Variants in WDR7 observed in about 807,000 individuals in gnomAD.
WDR7 encodes the protein WD repeat domain 7, also known as WD repeat-containing protein 7.
Under a neutral mutation model 169.4 loss-of-function variants are expected in WDR7, and 46 were observed. The observed-to-expected ratio is 0.27, with a 90% confidence interval of 0.21 to 0.35. The LOEUF (loss-of-function observed/expected upper bound fraction) is 0.35, where lower values mean the gene tolerates loss of function less well. WDR7 is among the 10% of genes least tolerant of loss of function. The pLI, the probability that WDR7 is intolerant of heterozygous loss-of-function variation, is 1.00. For missense variants in WDR7, 1,534 were observed against 1,859.3 expected, an observed-to-expected ratio of 0.83 and a Z score of 3.22; for synonymous variants, 612 against 666.8, an observed-to-expected ratio of 0.92 and a Z score of 1.27.
chr18:56,720,039 T>A (rs550481956), intron 13 of WDR7, among the ~76,000 whole-genome samples: 49 of 152,348 alleles, frequency 3.2e-4, no homozygotes, highest in African/African-American at 1.2e-3. Context: ...CTTGTTACTT[T>A]GTTGAACTTG....
chr18:56,696,524 G>A, intron 12 of WDR7, 62 bp downstream of exon 12: 1 of 1,292,686 alleles, frequency 7.7e-7, no homozygotes, highest in South Asian at 1.4e-5. Flanking sequence ...TTACTATCAG[G>A]AATGTAAATG....
At chr18:56,769,605 T>C (rs2044121669) in intron 16 of WDR7, among the ~76,000 whole-genome samples, 1 of 152,200 alleles carries the variant, frequency 6.6e-6, no homozygotes, top group Non-Finnish European at 1.5e-5. Context: ...TATCTTTATG[T>C]TTAGTAGTTG....
intron 19 of WDR7, among the ~76,000 whole-genome samples, chr18:56,804,878 A>G (rs2044742746): frequency 6.6e-6 from 1 of 152,208 alleles, no homozygotes; most frequent in Non-Finnish European, 1.5e-5. Flanking sequence ...ATGCTTATAC[A>G]CAAAGTCAAT....
chr18:56,667,495 G>T (rs1330432888), intron 1 of WDR7, among the ~76,000 whole-genome samples: 1 of 152,106 alleles, frequency 6.6e-6, no homozygotes, highest in African/African-American at 2.4e-5. Context: ...TGGCCCAACT[G>T]AAGATCAGTG....
chr18:56,686,792 T>C (rs773915849), intron 6 of WDR7, 63 bp from the exon 7 acceptor site: 28 of 1,346,136 alleles, frequency 2.1e-5, no homozygotes, highest in Non-Finnish European at 2.6e-5. Flanking sequence ...GCCTTTATCA[T>C]TGTGTGATAA....
intron 16 of WDR7, among the ~76,000 whole-genome samples, chr18:56,759,649 T>A (rs549896594): frequency 2.8e-4 from 42 of 152,296 alleles, no homozygotes; most frequent in African/African-American, 9.4e-4. Context: ...GACAAAGAGT[T>A]AATACTGACT....
rs79510806 is a variant in WDR7 at position 56,742,720 on chromosome 18, G to A, written c.1989+11123G>A. ...GTCTCAGCTTGAGGTGATTAGGACT[G>A]GCTTCTTGGAGGAGGTGACATTCAA... On this transcript the variant is annotated intron_variant, in intron 14 of 27. Transcript: ENST00000254442. 7.8e-3 allele frequency among the ~76,000 whole-genome samples: 1,195 copies of A among 152,270 alleles called. 13 individuals carry two copies. Among genetic ancestry groups the A allele is most frequent in the African/African-American group, 0.028 (1,144 of 41,546 alleles).
At chr18:56,690,535 C>T (rs2025541748) in intron 7 of WDR7, among the ~76,000 whole-genome samples, 1 of 152,100 alleles carries the variant, frequency 6.6e-6, no homozygotes. Context: ...TGCTACTGGG[C>T]CAGGCAAGGT....
At chr18:56,777,360 A>G (rs1201518299) in intron 17 of WDR7, among the ~76,000 whole-genome samples, 1 of 152,190 alleles carries the variant, frequency 6.6e-6, no homozygotes, top group Non-Finnish European at 1.5e-5. Flanking sequence ...TTATAGACTG[A>G]TAGGAATTTA....
intron 26 of WDR7, among the ~76,000 whole-genome samples, chr18:57,014,111 G>A (rs1257774770): frequency 6.6e-6 from 1 of 151,716 alleles, no homozygotes; most frequent in Non-Finnish European, 1.5e-5. Context: ...GGATCACTTG[G>A]GGTCAGGAGT....
chr18:56,665,343 G>T (rs533030945), intron 1 of WDR7, among the ~76,000 whole-genome samples: 39 of 150,248 alleles, frequency 2.6e-4, no homozygotes, highest in African/African-American at 8.8e-4. Context: ...GGTGTATCTA[G>T]GCCACTTTAT....
intron 20 of WDR7, among the ~76,000 whole-genome samples, chr18:56,823,015 G>T (rs1368983672): frequency 2.0e-5 from 3 of 152,278 alleles, no homozygotes; most frequent in Admixed American, 2.0e-4. Flanking sequence ...TGAAGGACAA[G>T]TAGAATGTTT....
chr18:56,853,616 A>G (rs1161499204), intron 20 of WDR7, among the ~76,000 whole-genome samples: 1 of 152,160 alleles, frequency 6.6e-6, no homozygotes, highest in Non-Finnish European at 1.5e-5. Flanking sequence ...GGCCAGTCTT[A>G]TATCTTCATG....
intron 25 of WDR7, among the ~76,000 whole-genome samples, chr18:56,949,466 G>C (rs949745272): frequency 6.6e-6 from 1 of 152,202 alleles, no homozygotes; most frequent in African/African-American, 2.4e-5. Context: ...CTAGAAGACA[G>C]GTGGAATTTA....
At chr18:56,852,635 A>G (rs1250362664) in intron 20 of WDR7, among the ~76,000 whole-genome samples, 1 of 152,134 alleles carries the variant, frequency 6.6e-6, no homozygotes, top group Non-Finnish European at 1.5e-5. Context: ...TCAAACTTTT[A>G]AGCTGTTCTG....
At position 56,870,119 on chromosome 18, in the gene WDR7, A is replaced by C. The variant is rs1355880794; in HGVS notation, c.3305-9825A>C. Reference sequence around the variant, plus strand: ...ATTTGACTTCAAAGACTTGGGGTACATTGGATGACTTATGTAGCATTTTAA... The same window carrying C: ...ATTTGACTTCAAAGACTTGGGGTACCTTGGATGACTTATGTAGCATTTTAA... On this transcript the variant is annotated intron_variant, in intron 20 of 27. Transcript: ENST00000254442. Among the ~76,000 whole-genome samples, 5 of 152,326 alleles carry C rather than the reference A, an allele frequency of 3.3e-5. No individual in the cohort carries two copies. In the East Asian group the frequency reaches 7.7e-4, roughly 24 times the overall value.
chr18:56,865,365 A>G (rs1281850756), intron 20 of WDR7, among the ~76,000 whole-genome samples: 2 of 152,148 alleles, frequency 1.3e-5, no homozygotes, highest in Admixed American at 1.3e-4. Flanking sequence ...GTGTGGATTT[A>G]AACACACTAT....
chr18:56,845,413 G>T (rs1305805425), intron 20 of WDR7, among the ~76,000 whole-genome samples: 2 of 151,876 alleles, frequency 1.3e-5, no homozygotes, highest in East Asian at 1.9e-4. Context: ...CTTTTCCACA[G>T]ATTTGTAATA....
intron 21 of WDR7, among the ~76,000 whole-genome samples, chr18:56,887,573 TC>T (rs60578984): frequency 0.032 from 4,914 of 152,244 alleles, 276 homozygotes; most frequent in African/African-American, 0.11. Context: ...ATATTTTTTT[TC>T]CTTTCTTGTT....
Sources: gnomAD v4.1 joint callset for allele counts (sites outside exome capture counted in the v4.1 genomes callset) on GRCh38, gnomAD v4.1.1 for gene constraint, MANE v1.5 for transcripts, NCBI Gene and HGNC (gene_info 2026-07-23, HGNC 2026-07-21) for gene names.